Variants in GNG7 observed in about 807,000 individuals in gnomAD.
GNG7 encodes the protein guanine nucleotide-binding protein G(I)/G(S)/G(O) subunit gamma-7.
Under a neutral mutation model 4.0 loss-of-function variants are expected in GNG7, and 1 was observed. The observed-to-expected ratio is 0.25, with a 90% confidence interval of 0.09 to 1.18. The LOEUF (loss-of-function observed/expected upper bound fraction) is 1.18, where lower values mean the gene tolerates loss of function less well. GNG7 is among the 50% of genes most tolerant of loss of function. GNG7 has a pLI of 0.50. For missense variants in GNG7, 86 were observed against 91.9 expected, an observed-to-expected ratio of 0.94 and a Z score of 0.26; for synonymous variants, 34 against 36.9, an observed-to-expected ratio of 0.92 and a Z score of 0.29.
chr19:2,629,516 G>A (rs979169873), intron 2 of GNG7, among the ~76,000 whole-genome samples: 1 of 152,154 alleles, frequency 6.6e-6, no homozygotes, highest in African/African-American at 2.4e-5. Context: ...CTAGTGCTAG[G>A]AGCCCCAGAA....
At chr19:2,521,877 G>T (rs989800201) in intron 3 of GNG7, among the ~76,000 whole-genome samples, 3 of 152,124 alleles carry the variant, frequency 2.0e-5, no homozygotes, top group Non-Finnish European at 4.4e-5. Flanking sequence ...GCCTCTCAAA[G>T]TGCTGGGATG....
At chr19:2,523,303 G>A (rs552618277) in intron 3 of GNG7, among the ~76,000 whole-genome samples, 8 of 151,760 alleles carry the variant, frequency 5.3e-5, no homozygotes, top group African/African-American at 1.9e-4. Flanking sequence ...TGTAATACCA[G>A]CACTTTGGGA....
At chr19:2,587,891 GA>G (rs1478935817) in intron 2 of GNG7, among the ~76,000 whole-genome samples, 34 of 141,240 alleles carry the variant, frequency 2.4e-4, no homozygotes, top group Admixed American at 2.4e-3. Context: ...AGGAAGGAAG[GA>G]AAGAAAAGAA....
At chr19:2,676,921 C>T (rs1237443134) in intron 1 of GNG7, among the ~76,000 whole-genome samples, 1 of 152,130 alleles carries the variant, frequency 6.6e-6, no homozygotes, top group Non-Finnish European at 1.5e-5. Context: ...CTCCGATCTG[C>T]ACATTCCCTC....
intron 4 of GNG7, among the ~76,000 whole-genome samples, 199 bp downstream of exon 4, chr19:2,520,409 A>G (rs779999497): frequency 1.3e-5 from 2 of 152,214 alleles, no homozygotes; most frequent in Non-Finnish European, 2.9e-5. Flanking sequence ...GCACGAAGGC[A>G]GGAGATAGGT....
At chr19:2,665,455 G>A (rs1983286341) in intron 1 of GNG7, among the ~76,000 whole-genome samples, 1 of 151,938 alleles carries the variant, frequency 6.6e-6, no homozygotes, top group Non-Finnish European at 1.5e-5. Context: ...CGGGCAACAA[G>A]GATTTGGGAA....
At chr19:2,669,683 C>T (rs1216432165) in intron 1 of GNG7, among the ~76,000 whole-genome samples, 1 of 152,042 alleles carries the variant, frequency 6.6e-6, no homozygotes. Flanking sequence ...CTCAGAGCGT[C>T]GAAAATATTT....
chr19:2,670,531 GT>G (rs1983425303), intron 1 of GNG7, among the ~76,000 whole-genome samples: 1 of 152,230 alleles, frequency 6.6e-6, no homozygotes, highest in South Asian at 2.1e-4. Context: ...CATGTGGCTT[GT>G]TTTCCCAGAC....
intron 1 of GNG7, among the ~76,000 whole-genome samples, chr19:2,690,288 A>G (rs549621731): frequency 1.3e-5 from 2 of 152,240 alleles, no homozygotes; most frequent in South Asian, 4.1e-4. Flanking sequence ...AGGCTGAGGC[A>G]GGAGAATGGC....
At chr19:2,541,116 G>A (rs1043640031) in intron 3 of GNG7, among the ~76,000 whole-genome samples, 7 of 152,230 alleles carry the variant, frequency 4.6e-5, no homozygotes, top group African/African-American at 1.7e-4. Flanking sequence ...CGAGGGAGCG[G>A]GAGCTACCGA....
At chr19:2,657,362 ATATAT>A (rs1468145631) in intron 1 of GNG7, among the ~76,000 whole-genome samples, 10 of 10,758 alleles carry the variant, frequency 9.3e-4, no homozygotes, top group Admixed American at 1.8e-3. Flanking sequence ...AAAAAAAAAA[ATATAT>A]ATATATATAT....
intron 1 of GNG7, among the ~76,000 whole-genome samples, chr19:2,696,196 G>GGAGAGAGGGGAGAGAGGA (rs1382974518): frequency 5.3e-4 from 65 of 121,506 alleles, no homozygotes; most frequent in Middle Eastern, 5.0e-3. Flanking sequence ...GAGAGAGAGG[G>GGAGAGAGGGGAGAGAGGA]GAGAGAGGGG....
chr19:2,604,464 C>A lies in GNG7; in HGVS notation c.-78+41760G>T, dbSNP rs570051812. On this transcript the variant is annotated intron_variant, in intron 2 of 4. Transcript: ENST00000382159. ...CCAGCCTGGGCAACGGAGCAAGACC[C>A]TGCTTCAAAAAAAAAAAAAAATGAA... 2.5e-5 allele frequency among the ~76,000 whole-genome samples: 3 copies of A among 121,674 alleles called. No individual in the cohort carries two copies. The South Asian group carries it at 8.4e-4, about 34-fold the overall frequency. 79.8% of individuals were successfully genotyped at this position (121,674 alleles called of 152,430 possible). A position where few individuals can be genotyped will look rare whatever the true frequency, so the allele number is the denominator to read the frequency against.
intron 2 of GNG7, among the ~76,000 whole-genome samples, chr19:2,622,799 C>A (rs999390322): frequency 4.3e-4 from 66 of 152,110 alleles, no homozygotes; most frequent in Non-Finnish European, 7.6e-4. Flanking sequence ...GATGGGGAAC[C>A]CAATGCGAGC....
chr19:2,558,820 G>A (rs1443248863), intron 2 of GNG7, among the ~76,000 whole-genome samples: 1 of 139,812 alleles, frequency 7.2e-6, no homozygotes, highest in Non-Finnish European at 1.5e-5. Flanking sequence ...TTTTTTTTGG[G>A]ACAGGTGTCA....
At chr19:2,636,929 T>C (rs1340043890) in intron 2 of GNG7, among the ~76,000 whole-genome samples, 3 of 151,368 alleles carry the variant, frequency 2.0e-5, no homozygotes, top group African/African-American at 4.9e-5. Flanking sequence ...CCTGCGCCCA[T>C]CTGCACCTCC....
rs1258631989 is a variant in GNG7, at chr19:2,557,341, A to G, written c.-77-2153T>C. On this transcript the variant is annotated intron_variant, in intron 2 of 4. Coordinates refer to ENST00000382159, the MANE Select transcript of GNG7 (RefSeq NM_052847.3). The surrounding 1 kb of genome is among the most constrained non-coding windows in gnomAD (Gnocchi z 5.1). ...CACACATGTGCACACAGACACACAC[A>G]TGTGCACACACACAGACACACACAC... 1.3e-5 allele frequency among the ~76,000 whole-genome samples: 2 copies of G among 151,072 alleles called. No individual in the cohort carries two copies. Among genetic ancestry groups the G allele is most frequent in the Non-Finnish European group, 1.5e-5 (1 of 67,548 alleles).
intron 3 of GNG7, among the ~76,000 whole-genome samples, chr19:2,550,692 G>A (rs915791527): frequency 5.9e-5 from 9 of 152,258 alleles, no homozygotes; most frequent in Middle Eastern, 3.4e-3. Flanking sequence ...CTCCAATCCC[G>A]CTCTGCCTCT....
intron 2 of GNG7, among the ~76,000 whole-genome samples, chr19:2,616,407 G>A (rs889072834): frequency 6.6e-6 from 1 of 151,830 alleles, no homozygotes; most frequent in African/African-American, 2.4e-5. Flanking sequence ...ACCGTGCCCA[G>A]CTAATTTTTG....
Sources: allele counts gnomAD v4.1 joint callset (sites outside exome capture counted in the v4.1 genomes callset), GRCh38; gene constraint gnomAD v4.1.1; non-coding constraint Gnocchi (gnomAD v3.1); transcripts MANE v1.5; gene names NCBI Gene and HGNC (gene_info 2026-07-23, HGNC 2026-07-21).